The following KIAA1217 variants were observed in gnomAD, a reference collection of about 807,000 sequenced individuals.
KIAA1217 encodes the protein KIAA1217, also known as sickle tail protein homolog.
A neutral mutation model predicts 163.9 loss-of-function variants in KIAA1217; 88 were observed. The ratio of observed to expected loss-of-function variants is 0.54; its 90% CI spans 0.45 to 0.64. KIAA1217 has a LOEUF of 0.64. Among genes scored for constraint, KIAA1217 ranks in the 30% least tolerant of loss-of-function variants. The pLI is 0.00. For missense variants in KIAA1217, 2,372 were observed against 2,475.0 expected (o/e 0.96, Z 0.88); for synonymous variants, 903 against 923.1 (o/e 0.98, Z 0.39).
chr10:24,017,954 A>G (rs1324316588), intron 2 of KIAA1217, among the ~76,000 whole-genome samples: 10 of 152,136 alleles, frequency 6.6e-5, no homozygotes, highest in African/African-American at 2.4e-4. Flanking sequence ...AGAGCACAAA[A>G]AAGAAAATGT....
intron 2 of KIAA1217, among the ~76,000 whole-genome samples, chr10:24,029,393 C>A (rs989184441): frequency 9.2e-5 from 14 of 152,156 alleles, no homozygotes; most frequent in African/African-American, 2.9e-4. Flanking sequence ...GCCGTAAATT[C>A]TTCCTTTCAT....
At chr10:23,853,879 A>T (rs1289142427) in intron 1 of KIAA1217, among the ~76,000 whole-genome samples, 2 of 151,888 alleles carry the variant, frequency 1.3e-5, no homozygotes, top group Non-Finnish European at 1.5e-5. Flanking sequence ...ATCATTTTTT[A>T]TTGCATCTAT....
At chr10:24,059,670 C>T (rs1589337794) in intron 2 of KIAA1217, among the ~76,000 whole-genome samples, 3 of 152,032 alleles carry the variant, frequency 2.0e-5, no homozygotes, top group African/African-American at 4.8e-5. Context: ...CTCTGCCTTT[C>T]GGGTTCACGC....
chr10:24,512,521 G>T (rs898179598), intron 9 of KIAA1217, among the ~76,000 whole-genome samples: 5 of 152,146 alleles, frequency 3.3e-5, no homozygotes, highest in African/African-American at 1.2e-4. Context: ...AATGTTCTCG[G>T]AACTGTTTGG....
At chr10:23,849,813 G>A (rs1839217200) in intron 1 of KIAA1217, among the ~76,000 whole-genome samples, 1 of 151,968 alleles carries the variant, frequency 6.6e-6, no homozygotes, top group Non-Finnish European at 1.5e-5. Flanking sequence ...ACTCAGTCTT[G>A]GTTGTGATGG....
chr10:23,941,875 A>G (rs1306817983), intron 1 of KIAA1217, among the ~76,000 whole-genome samples: 6 of 152,204 alleles, frequency 3.9e-5, no homozygotes, highest in African/African-American at 4.8e-5. Context: ...TCCCAAGACT[A>G]AACATTCATC....
chr10:24,429,418 T>C (rs193045801), intron 3 of KIAA1217, among the ~76,000 whole-genome samples: 81 of 152,314 alleles, frequency 5.3e-4, no homozygotes, highest in Middle Eastern at 3.4e-3. Context: ...TTCTGATCTC[T>C]TTTACCCAAA....
intron 1 of KIAA1217, among the ~76,000 whole-genome samples, chr10:23,801,592 A>G (rs1220029318): frequency 5.3e-5 from 8 of 152,204 alleles, no homozygotes; most frequent in Admixed American, 2.0e-4. Context: ...ACATTTTTGG[A>G]GTAGGGACTC....
chr10:24,486,236 C>T (rs2065379033), intron 6 of KIAA1217, among the ~76,000 whole-genome samples: 1 of 152,192 alleles, frequency 6.6e-6, no homozygotes, highest in Non-Finnish European at 1.5e-5. Context: ...CCTGTTAAAA[C>T]ATGAGACCTT....
intron 1 of KIAA1217, among the ~76,000 whole-genome samples, chr10:23,783,110 C>T (rs139229421): frequency 1.2e-3 from 180 of 152,306 alleles, no homozygotes; most frequent in African/African-American, 4.0e-3. Context: ...AATCTTTTGG[C>T]TTCCCTGGGC....
At chr10:24,352,603 A>C (rs2048594111) in intron 2 of KIAA1217, among the ~76,000 whole-genome samples, 1 of 152,170 alleles carries the variant, frequency 6.6e-6, no homozygotes. Context: ...ATTCTTGCTC[A>C]GTAATCTTGC....
intron 2 of KIAA1217, among the ~76,000 whole-genome samples, chr10:24,041,016 G>C (rs988066991): frequency 6.6e-6 from 1 of 152,202 alleles, no homozygotes; most frequent in African/African-American, 2.4e-5. Context: ...TCCTGTTCCC[G>C]TTGATTCCAA....
chr10:24,466,862 A>C (rs1259116345), intron 5 of KIAA1217: 1 of 877,928 alleles, frequency 1.1e-6, no homozygotes, highest in African/African-American at 1.8e-5. Context: ...TGCTTACTTC[A>C]TTGTGTGGTC....
intron 2 of KIAA1217, among the ~76,000 whole-genome samples, chr10:24,103,096 T>C (rs1171430868): frequency 1.3e-5 from 2 of 152,190 alleles, no homozygotes; most frequent in African/African-American, 4.8e-5. Flanking sequence ...GAAGCCTCTT[T>C]CCTTTATAAA....
chr10:23,848,549 C>T (rs1323498817), intron 1 of KIAA1217, among the ~76,000 whole-genome samples: 1 of 151,990 alleles, frequency 6.6e-6, no homozygotes, highest in Non-Finnish European at 1.5e-5. Context: ...TCAGGAGTCT[C>T]CTGCAACACA....
intron 1 of KIAA1217, among the ~76,000 whole-genome samples, chr10:23,910,692 G>A (rs1211424693): frequency 1.3e-5 from 2 of 152,194 alleles, no homozygotes; most frequent in African/African-American, 4.8e-5. Context: ...CTTTTAGTAG[G>A]ACGTTAGGTG....
chr10:24,194,762 A>ATTTTTTTTT, intron 2 of KIAA1217, among the ~76,000 whole-genome samples: 1 of 97,992 alleles, frequency 1.0e-5, no homozygotes, highest in Non-Finnish European at 1.9e-5. Flanking sequence ...AGCCAATTAA[A>ATTTTTTTTT]TTTTTTTTTT....
chr10:24,297,270 T>G (rs570604287), intron 2 of KIAA1217, among the ~76,000 whole-genome samples: 80 of 152,330 alleles, frequency 5.3e-4, no homozygotes, highest in African/African-American at 1.8e-3. Flanking sequence ...AGGAAACAGA[T>G]CCACTGACTA....
At chr10:23,789,001 A>G (rs1050336888) in intron 1 of KIAA1217, among the ~76,000 whole-genome samples, 1 of 152,232 alleles carries the variant, frequency 6.6e-6, no homozygotes, top group African/African-American at 2.4e-5. Flanking sequence ...GAAAGGGTCA[A>G]TGAACTGGCA....
Sources: gnomAD v4.1 joint callset for allele counts (sites outside exome capture counted in the v4.1 genomes callset) on GRCh38, gnomAD v4.1.1 for gene constraint, MANE v1.5 for transcripts, NCBI Gene and HGNC (gene_info 2026-07-23, HGNC 2026-07-21) for gene names.